The following MYO3B variants were observed in gnomAD, a reference collection of about 807,000 sequenced individuals.
The protein encoded by MYO3B is myosin-IIIb.
A neutral mutation model predicts 174.6 loss-of-function variants in MYO3B; 156 were observed. The observed-to-expected ratio is 0.89, with a 90% CI of 0.78 to 1.02. MYO3B has a LOEUF of 1.02. MYO3B is among the 50% of genes least tolerant of loss of function. The pLI is 0.00. For missense variants in MYO3B, 1,632 were observed against 1,639.4 expected (o/e 1.00, Z 0.08); for synonymous variants, 563 against 569.1 (o/e 0.99, Z 0.15).
intron 23 of MYO3B, among the ~76,000 whole-genome samples, chr2:170,460,480 TC>T (rs1684212968): frequency 1.3e-5 from 1 of 75,172 alleles, no homozygotes; most frequent in African/African-American, 5.6e-5. Context: ...AGAGTAAGAC[TC>T]CGTCTCAAAA....
At chr2:170,634,600 A>G (rs935374054) in intron 32 of MYO3B, among the ~76,000 whole-genome samples, 34 of 152,366 alleles carry the variant, frequency 2.2e-4, no homozygotes, top group Admixed American at 9.1e-4. Flanking sequence ...AATGGCAACA[A>G]AAGCCAAAAT....
intron 27 of MYO3B, 104 bp from the exon 28 acceptor site, chr2:170,501,681 G>A (rs1314229524): frequency 1.8e-5 from 13 of 707,370 alleles, no homozygotes; most frequent in Non-Finnish European, 3.0e-5. Context: ...AAGCAGGAGG[G>A]AGGATGAGAC....
At chr2:170,608,997 T>A (rs1419967822) in intron 32 of MYO3B, among the ~76,000 whole-genome samples, 1 of 152,228 alleles carries the variant, frequency 6.6e-6, no homozygotes, top group Non-Finnish European at 1.5e-5. Context: ...CAAGTTAACA[T>A]GTTTTAAGAC....
At chr2:170,383,947 G>C in intron 12 of MYO3B, 133 bp downstream of exon 12, 1 of 673,518 alleles carries the variant, frequency 1.5e-6, no homozygotes, top group South Asian at 1.9e-5. Context: ...AGGAGATGAA[G>C]TGGCAGCTCT....
At chr2:170,254,387 G>A (rs1242871826) in intron 7 of MYO3B, among the ~76,000 whole-genome samples, 1 of 152,082 alleles carries the variant, frequency 6.6e-6, no homozygotes, top group African/African-American at 2.4e-5. Flanking sequence ...AGCCCTCACT[G>A]ACTGCCAACC....
intron 6 of MYO3B, among the ~76,000 whole-genome samples, chr2:170,227,474 AG>A (rs1212147323): frequency 3.3e-3 from 2 of 614 alleles, no homozygotes; most frequent in Non-Finnish European, 0.016. Flanking sequence ...TAGTAGAGAC[AG>A]GGTTCCATCA....
chr2:170,392,908 G>A (rs532436271), intron 16 of MYO3B, among the ~76,000 whole-genome samples: 1 of 151,564 alleles, frequency 6.6e-6, no homozygotes, highest in Non-Finnish European at 1.5e-5. Context: ...AAGTGAACGG[G>A]GGGTAGGAGT....
chr2:170,323,897 G>A (rs1386112641), intron 7 of MYO3B, among the ~76,000 whole-genome samples: 1 of 152,176 alleles, frequency 6.6e-6, no homozygotes, highest in Non-Finnish European at 1.5e-5. Flanking sequence ...ACCTAAAAGA[G>A]CCAGGGGGAG....
At chr2:170,560,063 T>C (rs909318344) in intron 32 of MYO3B, among the ~76,000 whole-genome samples, 3 of 152,244 alleles carry the variant, frequency 2.0e-5, no homozygotes, top group African/African-American at 7.2e-5. Context: ...AAAGTTTAGC[T>C]GCTGCTACTG....
chr2:170,581,728 C>G (rs1693162379), intron 32 of MYO3B, among the ~76,000 whole-genome samples: 1 of 152,114 alleles, frequency 6.6e-6, no homozygotes, highest in Non-Finnish European at 1.5e-5. Flanking sequence ...CCTATTAGAT[C>G]TTGCTCAACC....
chr2:170,289,486 ATTCGTTGGCAT>A (rs981114702), intron 7 of MYO3B, among the ~76,000 whole-genome samples: 12 of 152,066 alleles, frequency 7.9e-5, no homozygotes, highest in Admixed American at 5.2e-4. Context: ...AGGTTTTCCA[ATTCGTTGGCAT>A]TTAGTTGTTC....
At chr2:170,533,461 C>A (rs1689486276) in intron 30 of MYO3B, among the ~76,000 whole-genome samples, 1 of 151,954 alleles carries the variant, frequency 6.6e-6, no homozygotes, top group African/African-American at 2.4e-5. Context: ...AGAACATCCT[C>A]CAGTTACAGC....
At position 170,410,582 on chromosome 2, in the gene MYO3B, C is replaced by CA. The variant is rs2094539395; in HGVS notation, c.2650+2747dup. ...GGAACAGTGCAAGACTCCGTCTCAA[C>CA]AAAAAAAAAGAAAAAAAAAAAAAAA... On this transcript the variant is annotated intron_variant, in intron 22 of 34. Coordinates refer to ENST00000408978, the MANE Select transcript of MYO3B (RefSeq NM_138995.5). 3.9e-3 allele frequency among the ~76,000 whole-genome samples: 140 copies of CA among 35,454 alleles called. 2 individuals are homozygous for CA. Among genetic ancestry groups the CA allele is most frequent in the African/African-American group, 0.013 (129 of 9,770 alleles). The allele number at this position is 35,454 out of a possible 152,430, so 23.3% of individuals were successfully genotyped here.
At chr2:170,646,828 A>T in intron 32 of MYO3B, 1 of 806,024 alleles carries the variant, frequency 1.2e-6, no homozygotes, top group Non-Finnish European at 1.9e-6. Context: ...AACAATTGTT[A>T]AATTGAAGCT....
chr2:170,621,154 G>T (rs1289983573), intron 32 of MYO3B, among the ~76,000 whole-genome samples: 1 of 151,850 alleles, frequency 6.6e-6, no homozygotes, highest in Non-Finnish European at 1.5e-5. Flanking sequence ...CTCCCAAAGT[G>T]CTGGGATTAC....
intron 7 of MYO3B, among the ~76,000 whole-genome samples, chr2:170,273,046 A>C (rs566104673): frequency 5.3e-4 from 81 of 152,132 alleles, no homozygotes; most frequent in Non-Finnish European, 2.5e-4. Context: ...GGTAGTGTAT[A>C]TGTGTTTCCC....
intron 7 of MYO3B, among the ~76,000 whole-genome samples, chr2:170,326,555 C>A (rs2093869656): frequency 1.0e-5 from 1 of 96,018 alleles, no homozygotes; most frequent in African/African-American, 2.8e-5. Context: ...TTGGCTCAGA[C>A]AACGAGCCAC....
At chr2:170,603,147 G>A (rs544663636) in intron 32 of MYO3B, among the ~76,000 whole-genome samples, 2 of 152,036 alleles carry the variant, frequency 1.3e-5, no homozygotes, top group Non-Finnish European at 2.9e-5. Flanking sequence ...CCACTTCCCT[G>A]CCCCTGAAAT....
At chr2:170,239,908 GGGCCACACTCC>G (rs543364380) in intron 7 of MYO3B, among the ~76,000 whole-genome samples, 205 of 152,266 alleles carry the variant, frequency 1.3e-3, no homozygotes, top group Middle Eastern at 0.01. Context: ...CGGGTCAGCA[GGGCCACACTCC>G]CTTTGAAGAC....
Sources: allele counts gnomAD v4.1 joint callset (sites outside exome capture counted in the v4.1 genomes callset), GRCh38; gene constraint gnomAD v4.1.1; transcripts MANE v1.5; gene names NCBI Gene and HGNC (gene_info 2026-07-23, HGNC 2026-07-21).